Variants in TENM3 observed in about 807,000 individuals in gnomAD.
TENM3 encodes the protein teneurin transmembrane protein 3, also known as teneurin-3.
A neutral mutation model predicts 255.1 loss-of-function variants in TENM3; 63 were observed. The observed-to-expected ratio is 0.25, with a 90% CI of 0.20 to 0.30. The LOEUF (loss-of-function observed/expected upper bound fraction) is 0.30. TENM3 is among the 10% of genes least tolerant of loss of function. TENM3 has a pLI of 1.00. For synonymous variants in TENM3, 1,306 were observed against 1,322.3 expected, an observed-to-expected ratio of 0.99 and a Z score of 0.27; for missense variants, 2,929 against 3,461.1, an observed-to-expected ratio of 0.85 and a Z score of 3.86.
At chr4:182,271,154 G>A (rs2150216719) in intron 1 of TENM3, among the ~76,000 whole-genome samples, 1 of 152,252 alleles carries the variant, frequency 6.6e-6, no homozygotes, top group Admixed American at 6.5e-5. Flanking sequence ...AGGGCTCTTA[G>A]TGTTTATTAT....
At chr4:182,572,817 T>C (rs1744531536) in intron 3 of TENM3, among the ~76,000 whole-genome samples, 1 of 152,124 alleles carries the variant, frequency 6.6e-6, no homozygotes, top group Non-Finnish European at 1.5e-5. Context: ...GATTCAGGGA[T>C]TTCAGTAATT....
chr4:182,416,970 TTTG>T (rs956894633), intron 3 of TENM3, among the ~76,000 whole-genome samples: 61 of 152,200 alleles, frequency 4.0e-4, no homozygotes, highest in African/African-American at 1.1e-3. Flanking sequence ...TTACATTTTC[TTTG>T]TTGTTGTTGT....
the TENM3 span, among the ~76,000 whole-genome samples, chr4:181,468,673 G>A: frequency 1.1e-4 from 16 of 152,196 alleles, no homozygotes; most frequent in Non-Finnish European, 4.4e-5. Context: ...GCAGACAAAT[G>A]AAGTCTTAGA....
At position 182,800,368 on chromosome 4, in the gene TENM3, G is replaced by A. The variant is rs1252067001; in HGVS notation, c.*17G>A. On this transcript the variant is annotated 3_prime_UTR_variant, in exon 28 of 28. Transcript: ENST00000511685. ...AGGAGGTAACGCCCGGGCCGCGCCCGCCGAGCCGCTCACGCCCTGCCCACA... is the reference window on the plus strand; with the variant it reads ...AGGAGGTAACGCCCGGGCCGCGCCCACCGAGCCGCTCACGCCCTGCCCACA... The A allele has an allele frequency of 2.6e-6, 4 of 1,538,302 alleles. No individual in the cohort carries two copies. Among genetic ancestry groups the A allele is most frequent in the Non-Finnish European group, 3.5e-6 (4 of 1,151,636 alleles).
At chr4:181,686,219 AC>A in the TENM3 span, among the ~76,000 whole-genome samples, 1 of 152,194 alleles carries the variant, frequency 6.6e-6, no homozygotes, top group Admixed American at 6.5e-5. Context: ...AGACATCCCG[AC>A]AGCATAAATA....
At chr4:181,802,475 G>GA in the TENM3 span, among the ~76,000 whole-genome samples, 1 of 151,924 alleles carries the variant, frequency 6.6e-6, no homozygotes, top group Non-Finnish European at 1.5e-5. Context: ...TCTGAGAAGA[G>GA]AAAAAAATAG....
rs73011471 is a variant in TENM3 at position 182,367,867 on chromosome 4, G to A, written c.511+20938G>A. On this transcript the variant is annotated intron_variant, in intron 3 of 27. Coordinates refer to ENST00000511685, the MANE Select transcript of TENM3 (RefSeq NM_001080477.4). ...GTGAACAATAGCAGATCAAGTTCAGGATCAAAAGATGGAAGGATGGAAAAG... is the reference window on the plus strand; with the variant it reads ...GTGAACAATAGCAGATCAAGTTCAGAATCAAAAGATGGAAGGATGGAAAAG... 1.4e-3 allele frequency among the ~76,000 whole-genome samples: 213 copies of A among 152,202 alleles called. 1 individual carries two copies. The highest frequency in any genetic ancestry group is 5.0e-3 in the African/African-American group (206 of 41,540).
intron 13 of TENM3, among the ~76,000 whole-genome samples, chr4:182,726,714 C>T (rs1319332228): frequency 6.6e-6 from 1 of 152,188 alleles, no homozygotes; most frequent in Non-Finnish European, 1.5e-5. Flanking sequence ...AGCACAGCGT[C>T]CGCTACTTTT....
At chr4:182,011,293 A>G in the TENM3 span, among the ~76,000 whole-genome samples, 1 of 152,178 alleles carries the variant, frequency 6.6e-6, no homozygotes, top group South Asian at 2.1e-4. Flanking sequence ...TCATACTCAC[A>G]GTTGCACATC....
At chr4:182,413,071 G>C (rs1216682115) in intron 3 of TENM3, among the ~76,000 whole-genome samples, 1 of 151,702 alleles carries the variant, frequency 6.6e-6, no homozygotes, top group Non-Finnish European at 1.5e-5. Context: ...TTATATATAA[G>C]AAAATGAAAA....
chr4:182,748,971 A>G (rs541457189), intron 19 of TENM3, among the ~76,000 whole-genome samples: 80 of 152,170 alleles, frequency 5.3e-4, no homozygotes, highest in Non-Finnish European at 1.1e-3. Flanking sequence ...TATAAGCACC[A>G]CTTTGGGCAT....
the TENM3 span, among the ~76,000 whole-genome samples, chr4:181,788,027 C>T: frequency 6.6e-6 from 1 of 152,136 alleles, no homozygotes; most frequent in Non-Finnish European, 1.5e-5. Flanking sequence ...AATCCAGCCA[C>T]TTCGAGATCA....
chr4:181,664,841 C>G, the TENM3 span, among the ~76,000 whole-genome samples: 4 of 152,318 alleles, frequency 2.6e-5, no homozygotes, highest in African/African-American at 9.6e-5. Context: ...CCTGGAAGAA[C>G]CCTGCAGGTG....
chr4:181,889,103 A>G, the TENM3 span, among the ~76,000 whole-genome samples: 1 of 152,144 alleles, frequency 6.6e-6, no homozygotes, highest in Non-Finnish European at 1.5e-5. Context: ...ACATGGTGAC[A>G]TGGTTTGGAT....
intron 3 of TENM3, among the ~76,000 whole-genome samples, chr4:182,599,700 C>T (rs569403770): frequency 1.3e-5 from 2 of 152,264 alleles, no homozygotes; most frequent in South Asian, 4.1e-4. Context: ...TGCTATTTGG[C>T]TTAACAATCA....
the TENM3 span, among the ~76,000 whole-genome samples, chr4:182,091,396 T>C: frequency 2.0e-5 from 3 of 152,200 alleles, no homozygotes; most frequent in Admixed American, 1.3e-4. Flanking sequence ...CAGCGATCAC[T>C]GGAAGCAAAA....
At chr4:181,753,570 A>G in the TENM3 span, among the ~76,000 whole-genome samples, 1 of 152,032 alleles carries the variant, frequency 6.6e-6, no homozygotes, top group Non-Finnish European at 1.5e-5. Flanking sequence ...TTCGGTATAT[A>G]AAAATATTTG....
the TENM3 span, among the ~76,000 whole-genome samples, chr4:181,604,639 C>A: frequency 2.0e-5 from 3 of 152,162 alleles, no homozygotes; most frequent in African/African-American, 7.2e-5. Flanking sequence ...TACTCAGTGC[C>A]CCTGCCTCCT....
chr4:181,855,039 G>C, the TENM3 span, among the ~76,000 whole-genome samples: 16 of 152,096 alleles, frequency 1.1e-4, no homozygotes, highest in Non-Finnish European at 2.4e-4. Context: ...CGAATATGGA[G>C]AAATATAACA....
Sources: gnomAD v4.1 joint callset for allele counts (sites outside exome capture counted in the v4.1 genomes callset) on GRCh38, gnomAD v4.1.1 for gene constraint, MANE v1.5 for transcripts, NCBI Gene and HGNC (gene_info 2026-07-23, HGNC 2026-07-21) for gene names.